The following PTK2B variants were observed in gnomAD, a reference collection of about 807,000 sequenced individuals.
PTK2B encodes the protein protein tyrosine kinase 2 beta.
In PTK2B, 71 loss-of-function variants were observed where a neutral mutation model predicts 142.9. The ratio of observed to expected loss-of-function variants is 0.50; its 90% CI spans 0.41 to 0.61. The LOEUF (loss-of-function observed/expected upper bound fraction) is 0.61. PTK2B is among the 20% of genes least tolerant of loss of function. The pLI, the probability that PTK2B is intolerant of heterozygous loss-of-function variation, is 0.00. For synonymous variants in PTK2B, 519 were observed against 503.4 expected (o/e 1.03, Z -0.42); for missense variants, 1,105 against 1,320.4 (o/e 0.84, Z 2.53).
chr8:27,414,606 CTGTG>C (rs1554500877), intron 2 of PTK2B, among the ~76,000 whole-genome samples: 5 of 82,358 alleles, frequency 6.1e-5, no homozygotes, highest in Non-Finnish European at 8.4e-5. Context: ...CTCTCTCTCT[CTGTG>C]TGTGTGTGTG....
chr8:27,420,569 A>T, intron 3 of PTK2B, 88 bp from the exon 4 acceptor site: 9 of 1,265,364 alleles, frequency 7.1e-6, no homozygotes, highest in Non-Finnish European at 8.1e-6. Context: ...GCACTAGGGG[A>T]TGGGCTTGCT....
intron 4 of PTK2B, among the ~76,000 whole-genome samples, 178 bp downstream of exon 4, chr8:27,420,922 C>T (rs746723923): frequency 6.6e-6 from 1 of 152,192 alleles, no homozygotes; most frequent in Non-Finnish European, 1.5e-5. Context: ...CCCTGCTTTT[C>T]TCTCAGTATT....
intron 2 of PTK2B, among the ~76,000 whole-genome samples, chr8:27,415,122 C>T (rs1045764994): frequency 2.0e-5 from 3 of 152,098 alleles, no homozygotes; most frequent in African/African-American, 4.8e-5. Context: ...GGCCAAGCAC[C>T]GTTCTATGGA....
Position 27,345,699 on chromosome 8 carries a change from A to T in PTK2B, c.-38+20018A>T, listed in dbSNP as rs149081639. ...AGACTTCTATGCTGACTTTCTGATC[A>T]AAGGAGGAGATGAGAGGTAGGCAGC... On this transcript the variant is annotated intron_variant, in intron 1 of 30. Coordinates refer to ENST00000346049, the MANE Select transcript of PTK2B (RefSeq NM_173176.3). Among the ~76,000 whole-genome samples, 264 of 152,304 alleles carry T rather than the reference A, an allele frequency of 1.7e-3. 1 individual carries two copies. Among genetic ancestry groups the T allele is most frequent in the African/African-American group, 5.6e-3 (233 of 41,572 alleles).
intron 5 of PTK2B, among the ~76,000 whole-genome samples, chr8:27,426,930 T>A (rs1237346994): frequency 1.3e-5 from 2 of 152,210 alleles, no homozygotes; most frequent in Non-Finnish European, 2.9e-5. Flanking sequence ...TTTTAAAAAA[T>A]TTAATATTTA....
chr8:27,379,439 GCTGGT>G (rs1022017767), intron 1 of PTK2B, among the ~76,000 whole-genome samples: 4 of 152,120 alleles, frequency 2.6e-5, no homozygotes, highest in Non-Finnish European at 4.4e-5. Flanking sequence ...TGTGGCCCAG[GCTGGT>G]CTCAAACTTC....
rs753724315 is a variant in PTK2B at position 27,445,917 on chromosome 8, C to T, written c.2338C>T (p.Arg780Trp). The change falls in exon 24 of 31, where the codon CGG (arginine) becomes TGG (tryptophan). Residue 780 changes from arginine (R) to tryptophan (W), a missense_variant and splice_region_variant. Transcript: ENST00000346049. ...RHNVFKRHSMREEDFIQPSSR... is the reference protein window; with the variant it reads ...RHNVFKRHSMWEEDFIQPSSR... ...CAATGTCTTCAAACGCCACAGCATG[C>T]GGGTAAGAGGGCTCTGCATGCTGGT... 1.9e-6 allele frequency: 3 copies of T among 1,613,434 alleles called. No homozygotes were observed. The highest frequency in any genetic ancestry group is 2.5e-6 in the Non-Finnish European group (3 of 1,180,014).
chr8:27,374,898 G>A (rs1480181964), intron 1 of PTK2B, among the ~76,000 whole-genome samples: 1 of 152,078 alleles, frequency 6.6e-6, no homozygotes, highest in Non-Finnish European at 1.5e-5. Context: ...TGCACTATGT[G>A]ATGTCTGCAA....
intron 1 of PTK2B, among the ~76,000 whole-genome samples, chr8:27,390,374 C>T (rs781055001): frequency 3.2e-4 from 49 of 152,152 alleles, no homozygotes; most frequent in Non-Finnish European, 6.2e-4. Flanking sequence ...GTGGCTCATA[C>T]CTGTAATCCC....
intron 1 of PTK2B, among the ~76,000 whole-genome samples, chr8:27,368,550 G>A (rs1293715949): frequency 6.6e-6 from 1 of 152,178 alleles, no homozygotes; most frequent in East Asian, 1.9e-4. Context: ...CAATAAACTG[G>A]AAACAAGGCT....
chr8:27,359,043 T>TC (rs1237662987), intron 1 of PTK2B, among the ~76,000 whole-genome samples: 1 of 152,120 alleles, frequency 6.6e-6, no homozygotes, highest in African/African-American at 2.4e-5. Context: ...ACATCTCCCC[T>TC]CCCCATTTTA....
In PTK2B at chr8:27,419,944, G is replaced by T; in HGVS notation, c.254G>T (p.Arg85Leu). Reference sequence around the variant, plus strand: ...AGCGGGCGGATCGGGCCCAACATCCGGTTGGCTGAGTGCTATGGGCTGAGG... The same window carrying T: ...AGCGGGCGGATCGGGCCCAACATCCTGTTGGCTGAGTGCTATGGGCTGAGG... ...LLSGRIGPNIRLAECYGLRLK... is the reference protein window; with the variant it reads ...LLSGRIGPNILLAECYGLRLK... The change falls in exon 3 of 31, where the codon CGG (arginine) becomes CTG (leucine). Residue 85 changes from arginine (R) to leucine (L), a missense_variant. Physicochemically the swap from Arg to Leu is moderately radical, Grantham distance 102 (BLOSUM62 -2). Coordinates refer to ENST00000346049, the MANE Select transcript of PTK2B (RefSeq NM_173176.3). The T allele has an allele frequency of 3.1e-6, 5 of 1,614,208 alleles. No homozygotes were observed. Among genetic ancestry groups the T allele is most frequent in the East Asian group, 2.2e-5 (1 of 44,884 alleles).
At chr8:27,350,291 A>G (rs1470844843) in intron 1 of PTK2B, among the ~76,000 whole-genome samples, 1 of 152,226 alleles carries the variant, frequency 6.6e-6, no homozygotes, top group African/African-American at 2.4e-5. Context: ...GGGACAAACA[A>G]ATAGAATTTG....
At chr8:27,451,761 T>A (rs1307632073) in intron 27 of PTK2B, 3 of 1,343,972 alleles carry the variant, frequency 2.2e-6, no homozygotes, top group Non-Finnish European at 2.9e-6. Flanking sequence ...CCTCAGATCA[T>A]CCCCCTCCTG....
rs561269092 is a variant in PTK2B, at chr8:27,368,919, G to A, written c.-37-28629G>A. The stretch of plus-strand genomic sequence containing the variant: ...AGGAGGAAGCAGGGGTGGGCAGGGC[G>A]GAAGTGGAAAGAGATCCAGGAGTGT... On this transcript the variant is annotated intron_variant, in intron 1 of 30. Transcript: ENST00000346049. Among the ~76,000 whole-genome samples, 24 of 152,288 alleles carry A rather than the reference G, an allele frequency of 1.6e-4. No homozygotes were observed. The East Asian group carries it at 2.1e-3, about 13-fold the overall frequency.
upstream of PTK2B, among the ~76,000 whole-genome samples, chr8:27,323,579 G>T (rs1470846988): frequency 2.0e-5 from 3 of 152,156 alleles, no homozygotes; most frequent in South Asian, 2.1e-4. Context: ...GCCATGGATA[G>T]TGTCTTTTAG....
chr8:27,439,398 G>T lies in PTK2B; in HGVS notation c.1834G>T (p.Ala612Ser), dbSNP rs759650182. The T allele has an allele frequency of 5.0e-6, 8 of 1,611,754 alleles. No homozygotes were observed. In the South Asian group the frequency reaches 6.6e-5, roughly 13 times the overall value. ...GACAGCCAGTGACGTCTGGATGTTC[G>T]GTGAGTGCTGATTTGGGAGGGCATG... The part of the protein sequence containing the change: ...FTTASDVWMF[A>S]VCMWEILSFG... The change falls in exon 20 of 31, where the codon GCC becomes TCC. Residue 612 changes from alanine to serine, a missense_variant and splice_region_variant. By Grantham distance (99) the Ala-to-Ser change is moderately conservative (BLOSUM62 1). Transcript: ENST00000346049.
chr8:27,352,118 C>CA (rs1805132276), intron 1 of PTK2B, among the ~76,000 whole-genome samples: 1 of 152,244 alleles, frequency 6.6e-6, no homozygotes, highest in South Asian at 2.1e-4. Flanking sequence ...GTCCTCTCCC[C>CA]AGCTGACCAA....
intron 15 of PTK2B, 147 bp downstream of exon 15, chr8:27,436,495 G>T: frequency 1.5e-6 from 1 of 675,518 alleles, no homozygotes; most frequent in Non-Finnish European, 2.6e-6. Context: ...TGGGCATGGT[G>T]GTATTTATTA....
Sources: gnomAD v4.1 joint callset for allele counts (sites outside exome capture counted in the v4.1 genomes callset) on GRCh38, gnomAD v4.1.1 for gene constraint, MANE v1.5 for transcripts, NCBI Gene and HGNC (gene_info 2026-07-23, HGNC 2026-07-21) for gene names.